TBC1D1: variants seen among roughly 807,000 people sequenced by gnomAD.
TBC1D1 encodes the protein TBC1 (tre-2/USP6, BUB2, cdc16) domain family, member 1.
TBC1D1 carries 89 observed loss-of-function variants against 125.6 expected under a neutral mutation model. The observed-to-expected ratio is 0.71, with a 90% CI of 0.60 to 0.85. TBC1D1 has a LOEUF of 0.85. Among genes scored for constraint, TBC1D1 ranks in the 40% least tolerant of loss-of-function variants. TBC1D1 has a pLI of 0.00. For synonymous variants in TBC1D1, 565 were observed against 564.1 expected (o/e 1.00, Z -0.02); for missense variants, 1,377 against 1,469.2 (o/e 0.94, Z 1.03).
chr4:37,934,267 G>C (rs1723915389), intron 2 of TBC1D1, among the ~76,000 whole-genome samples: 1 of 152,174 alleles, frequency 6.6e-6, no homozygotes, highest in African/African-American at 2.4e-5. Context: ...AAGGCCAGAA[G>C]CTCAGGATGA....
At chr4:37,978,720 CTTTCAAAAACG>C (rs1733755356) in intron 2 of TBC1D1, among the ~76,000 whole-genome samples, 1 of 122,108 alleles carries the variant, frequency 8.2e-6, no homozygotes, top group African/African-American at 3.0e-5. Flanking sequence ...AATGAGATGA[CTTTCAAAAACG>C]TTTTGAGTCA....
At chr4:38,118,334 C>T (rs1214742433) in intron 17 of TBC1D1, 142 bp downstream of exon 19, 4 of 1,040,552 alleles carry the variant, frequency 3.8e-6, no homozygotes, top group South Asian at 1.6e-5. Flanking sequence ...TAAGATTAGT[C>T]AGGGGTGGGT....
At chr4:38,003,885 AG>A (rs1267337337) in intron 2 of TBC1D1, among the ~76,000 whole-genome samples, 7 of 145,054 alleles carry the variant, frequency 4.8e-5, no homozygotes, top group South Asian at 2.2e-4. Flanking sequence ...AAAAAAAAAA[AG>A]AGTTGGCCTT....
At chr4:38,120,144 T>G in intron 17 of TBC1D1, 7 of 980,390 alleles carry the variant, frequency 7.1e-6, no homozygotes, top group Non-Finnish European at 8.5e-6. Context: ...TAGGCAGTGG[T>G]GAGACTCGGA....
At chr4:38,024,178 C>A (rs934866045) in intron 6 of TBC1D1, among the ~76,000 whole-genome samples, 1 of 152,188 alleles carries the variant, frequency 6.6e-6, no homozygotes. Flanking sequence ...CACGTTGTTA[C>A]TATTTGCTGA....
intron 12 of TBC1D1, among the ~76,000 whole-genome samples, chr4:38,081,181 C>T (rs1011691202): frequency 1.3e-5 from 2 of 152,076 alleles, no homozygotes. Context: ...CTGAGACGCT[C>T]CAGGCTCCCT....
rs35308860 is a variant in TBC1D1 at position 38,033,905 on chromosome 4, T to C, written c.1303-1683T>C. Among the ~76,000 whole-genome samples, 3 of 152,182 alleles carry C rather than the reference T, an allele frequency of 2.0e-5. No homozygotes were observed. The South Asian group carries it at 6.2e-4, about 32-fold the overall frequency. Reference sequence around the variant, plus strand: ...CATTGCTGAATAATACTCAGTTTTATAGATGCACTACAGTTTCTTTACCCA... The same window carrying C: ...CATTGCTGAATAATACTCAGTTTTACAGATGCACTACAGTTTCTTTACCCA... On this transcript the variant is annotated intron_variant, in intron 7 of 19. Transcript: ENST00000261439.
intron 12 of TBC1D1, among the ~76,000 whole-genome samples, chr4:38,074,670 A>G (rs1437004683): frequency 1.3e-5 from 2 of 151,408 alleles, no homozygotes; most frequent in African/African-American, 4.9e-5. Flanking sequence ...CCATGTAACA[A>G]CTCTTGATTC....
chr4:38,049,936 G>A (rs1402319527), intron 11 of TBC1D1, 38 bp downstream of exon 11: 14 of 1,580,342 alleles, frequency 8.9e-6, no homozygotes, highest in Non-Finnish European at 1.2e-5. Context: ...AATAGCTGGG[G>A]CATATCTGTG....
At chr4:38,006,035 A>G (rs1402322717) in intron 2 of TBC1D1, among the ~76,000 whole-genome samples, 4 of 152,120 alleles carry the variant, frequency 2.6e-5, no homozygotes, top group African/African-American at 9.7e-5. Context: ...GCCCTTTCTC[A>G]TTTTACATAG....
At position 37,933,490 on chromosome 4, in the gene TBC1D1, T is replaced by A. The variant is rs80170298; in HGVS notation, c.417+30978T>A. On this transcript the variant is annotated intron_variant, in intron 2 of 19. Transcript: ENST00000261439. The stretch of plus-strand genomic sequence containing the variant: ...CACACACAGTAGAATAATAAAAAAA[T>A]AAAGGCTCTGGAGTCAGGCGGAGAA... 9.7e-5 allele frequency among the ~76,000 whole-genome samples: 14 copies of A among 144,428 alleles called. No homozygotes were observed. In the East Asian group the frequency reaches 2.4e-3, roughly 25 times the overall value. 94.8% of individuals were successfully genotyped at this position (144,428 alleles called of 152,430 possible). A position where few individuals can be genotyped will look rare whatever the true frequency, so the allele number is the denominator to read the frequency against.
chr4:38,046,053 CAT>C (rs1362396822), intron 10 of TBC1D1, 150 bp downstream of exon 10: 7 of 680,116 alleles, frequency 1.0e-5, no homozygotes, highest in Non-Finnish European at 1.8e-5. Flanking sequence ...TCTATCATAA[CAT>C]AAAAGTTTTA....
intron 7 of TBC1D1, among the ~76,000 whole-genome samples, chr4:38,032,474 C>T (rs1746350678): frequency 6.6e-6 from 1 of 152,160 alleles, no homozygotes; most frequent in Non-Finnish European, 1.5e-5. Flanking sequence ...CAATTCGATT[C>T]CCCATTATTT....
intron 2 of TBC1D1, among the ~76,000 whole-genome samples, chr4:38,009,821 C>T (rs930013005): frequency 1.3e-5 from 2 of 152,114 alleles, no homozygotes; most frequent in Non-Finnish European, 2.9e-5. Context: ...TTTTATGTAT[C>T]TAAATAAGGC....
At chr4:38,060,353 G>T (rs1307500411) in intron 12 of TBC1D1, among the ~76,000 whole-genome samples, 1 of 152,220 alleles carries the variant, frequency 6.6e-6, no homozygotes, top group Non-Finnish European at 1.5e-5. Context: ...CAGTGTAAAA[G>T]CATTCTTACT....
chr4:38,028,413 C>T (rs1745487359), intron 7 of TBC1D1, among the ~76,000 whole-genome samples: 1 of 152,220 alleles, frequency 6.6e-6, no homozygotes, highest in Non-Finnish European at 1.5e-5. Context: ...ATCTGCCTGC[C>T]TTGGCCTCCC....
At chr4:38,073,891 C>T (rs761919653) in intron 12 of TBC1D1, among the ~76,000 whole-genome samples, 3 of 152,146 alleles carry the variant, frequency 2.0e-5, no homozygotes, top group Non-Finnish European at 4.4e-5. Context: ...TTCTTGAAAT[C>T]CACCTTGGCT....
At chr4:37,997,974 C>T (rs17425534) in intron 2 of TBC1D1, among the ~76,000 whole-genome samples, 14,083 of 152,060 alleles carry the variant, frequency 0.093, 804 homozygotes, top group Middle Eastern at 0.2. Flanking sequence ...AATCTGTATT[C>T]GGATTTCTGG....
In TBC1D1 at chr4:38,090,179, A is replaced by G. The variant is rs2303422; in HGVS notation, c.2236+62A>G. 236,930 of 1,502,552 alleles carry G rather than the reference A, an allele frequency of 0.16. 21,720 individuals are homozygous for G. The highest frequency in any genetic ancestry group is 0.42 in the East Asian group (18,554 of 44,290). The allele number at this position is 1,502,552 out of a possible 1,614,324, so 93.1% of individuals were successfully genotyped here. A position where few individuals can be genotyped will look rare whatever the true frequency, so the allele number is the denominator to read the frequency against. ...TTATCTTGGCTCTGAAGTTAATCAC[A>G]TCAGACATAAGCATGCTGTCTTAAA... On this transcript the variant is annotated intron_variant, in intron 13 of 19. Transcript: ENST00000261439.
Sources: allele counts gnomAD v4.1 joint callset (sites outside exome capture counted in the v4.1 genomes callset), GRCh38; gene constraint gnomAD v4.1.1; transcripts MANE v1.5; gene names NCBI Gene and HGNC (gene_info 2026-07-23, HGNC 2026-07-21).